SPRR2G: variants seen among roughly 807,000 people sequenced by gnomAD.
SPRR2G encodes small proline rich protein 2G, also known as small proline-rich protein 2G.
SPRR2G carries 1 observed loss-of-function variant against 0.7 expected under a neutral mutation model. That is an observed-to-expected ratio of 1.49 (90% CI 0.53 to 7.06). The LOEUF (loss-of-function observed/expected upper bound fraction) is 7.06, where lower values mean the gene tolerates loss of function less well. Ranked by LOEUF, SPRR2G falls within the 30% of genes most tolerant of loss-of-function variation. The pLI, the probability that SPRR2G is intolerant of heterozygous loss-of-function variation, is 0.14. For missense variants in SPRR2G, 96 were observed against 88.5 expected (o/e 1.09, Z -0.34); for synonymous variants, 38 against 33.9 (o/e 1.12, Z -0.42).
the SPRR2G span, among the ~76,000 whole-genome samples, chr1:153,191,846 G>A: frequency 2.6e-5 from 4 of 152,022 alleles, no homozygotes; most frequent in Non-Finnish European, 4.4e-5. Flanking sequence ...GCTTACTTGT[G>A]GGTTTTATTT....
the SPRR2G span, among the ~76,000 whole-genome samples, chr1:153,175,504 T>C: frequency 6.6e-6 from 1 of 152,296 alleles, no homozygotes; most frequent in East Asian, 1.9e-4. Flanking sequence ...CCTTCACACA[T>C]GCTGCTCTCT....
the SPRR2G span, chr1:153,190,675 T>A: frequency 6.6e-6 from 1 of 152,228 alleles, no homozygotes; most frequent in Admixed American, 6.5e-5. Context: ...GAGCAAACAT[T>A]GTTTAAAAAA....
the SPRR2G span, among the ~76,000 whole-genome samples, chr1:153,166,561 T>C: frequency 0.51 from 77,409 of 151,900 alleles, 20,233 homozygotes; most frequent in East Asian, 0.64. Flanking sequence ...TAAGCTCTGA[T>C]GCTGCACCCT....
the SPRR2G span, among the ~76,000 whole-genome samples, chr1:153,157,402 A>C: frequency 6.6e-6 from 1 of 152,250 alleles, no homozygotes; most frequent in African/African-American, 2.4e-5. Flanking sequence ...AGATGAAGTC[A>C]AGAATAACAA....
At chr1:153,162,659 A>T in the SPRR2G span, among the ~76,000 whole-genome samples, 1 of 152,156 alleles carries the variant, frequency 6.6e-6, no homozygotes, top group African/African-American at 2.4e-5. Flanking sequence ...GTCCTAAAGC[A>T]GGACACATCA....
At chr1:153,161,836 G>A in the SPRR2G span, among the ~76,000 whole-genome samples, 1 of 152,176 alleles carries the variant, frequency 6.6e-6, no homozygotes, top group African/African-American at 2.4e-5. Context: ...CAGACTTTGA[G>A]AATCTTCACA....
the SPRR2G span, among the ~76,000 whole-genome samples, chr1:153,186,642 C>T: frequency 6.6e-6 from 1 of 152,062 alleles, no homozygotes; most frequent in African/African-American, 2.4e-5. Flanking sequence ...TGGGTCTTGA[C>T]TCTTTATCCA....
upstream of SPRR2G, among the ~76,000 whole-genome samples, chr1:153,152,387 G>C (rs1204504148): frequency 6.6e-6 from 1 of 151,898 alleles, no homozygotes; most frequent in Non-Finnish European, 1.5e-5. Flanking sequence ...TCTCAGGGAA[G>C]ATTTTTGCCT....
Position 153,149,760 on chromosome 1 carries a change from G to A in SPRR2G, c.*129C>T, listed in dbSNP as rs190805913. The A allele has an allele frequency of 4.1e-6, 5 of 1,212,078 alleles. No individual in the cohort carries two copies. The highest frequency in any genetic ancestry group is 4.0e-5 in the Admixed American group (2 of 50,292). The allele number at this position is 1,212,078 out of a possible 1,614,324, so 75.1% of individuals were successfully genotyped here. ...AGAACTAAGCCTTTTCTCTGTCAAC[G>A]CTCAAGCCAGACAGAGGTTAGGGAA... On this transcript the variant is annotated 3_prime_UTR_variant, in exon 2 of 2. Transcript: ENST00000368748.
chr1:153,197,490 T>G, the SPRR2G span, among the ~76,000 whole-genome samples: 1 of 152,210 alleles, frequency 6.6e-6, no homozygotes, highest in Non-Finnish European at 1.5e-5. Flanking sequence ...TTATCTCCCC[T>G]GCTGAACTTT....
upstream of SPRR2G, among the ~76,000 whole-genome samples, chr1:153,153,251 G>A (rs1182448652): frequency 2.0e-5 from 3 of 152,060 alleles, no homozygotes; most frequent in Non-Finnish European, 1.5e-5. Context: ...TATTCAAAGT[G>A]TTTAAATATT....
At chr1:153,183,580 T>A in the SPRR2G span, among the ~76,000 whole-genome samples, 1 of 152,190 alleles carries the variant, frequency 6.6e-6, no homozygotes, top group Non-Finnish European at 1.5e-5. Flanking sequence ...GTTTTTTTCT[T>A]GTAAATTTAT....
At chr1:153,196,772 G>A in the SPRR2G span, among the ~76,000 whole-genome samples, 8 of 152,214 alleles carry the variant, frequency 5.3e-5, no homozygotes, top group Admixed American at 2.6e-4. Context: ...ATCTCGCTTT[G>A]TGCCCTGAGC....
At chr1:153,197,646 C>A in the SPRR2G span, among the ~76,000 whole-genome samples, 7 of 152,148 alleles carry the variant, frequency 4.6e-5, no homozygotes, top group Admixed American at 1.3e-4. Context: ...GACAGCATTG[C>A]CCCCCGGCAG....
chr1:153,187,778 G>A, the SPRR2G span, among the ~76,000 whole-genome samples: 1 of 152,066 alleles, frequency 6.6e-6, no homozygotes, highest in Non-Finnish European at 1.5e-5. Context: ...GAGGAGAAGA[G>A]GCATTCTTGG....
the SPRR2G span, among the ~76,000 whole-genome samples, chr1:153,188,310 C>G: frequency 6.6e-6 from 1 of 152,174 alleles, no homozygotes; most frequent in Non-Finnish European, 1.5e-5. Flanking sequence ...CCCACAGCCA[C>G]CCCTTCCCCC....
At chr1:153,196,657 C>A in the SPRR2G span, among the ~76,000 whole-genome samples, 4 of 152,138 alleles carry the variant, frequency 2.6e-5, no homozygotes, top group African/African-American at 4.8e-5. Context: ...AGAACTACTT[C>A]AAATCATCTG....
the SPRR2G span, among the ~76,000 whole-genome samples, chr1:153,156,765 C>T: frequency 1.3e-5 from 2 of 152,004 alleles, no homozygotes; most frequent in African/African-American, 4.8e-5. Context: ...AGGCAGCTAC[C>T]ATGCAAAAAT....
the SPRR2G span, chr1:153,190,078 G>C: frequency 3.3e-5 from 5 of 152,264 alleles, no homozygotes; most frequent in East Asian, 9.7e-4. Flanking sequence ...CTTTCTCTCA[G>C]TTTACTTTCA....
Sources: allele counts gnomAD v4.1 joint callset (sites outside exome capture counted in the v4.1 genomes callset), GRCh38; gene constraint gnomAD v4.1.1; transcripts MANE v1.5; gene names NCBI Gene and HGNC (gene_info 2026-07-23, HGNC 2026-07-21).